STX18: variants seen among roughly 807,000 people sequenced by gnomAD.
STX18 encodes the protein syntaxin 18.
Under a neutral mutation model 50.1 loss-of-function variants are expected in STX18, and 40 were observed. That is an observed-to-expected ratio of 0.80 (90% CI 0.62 to 1.04). The LOEUF (loss-of-function observed/expected upper bound fraction) is 1.04. STX18 is among the 50% of genes least tolerant of loss of function. STX18 has a pLI of 0.00. For synonymous variants in STX18, 158 were observed against 151.8 expected, an observed-to-expected ratio of 1.04 and a Z score of -0.30; for missense variants, 410 against 415.8, an observed-to-expected ratio of 0.99 and a Z score of 0.12.
chr4:4,538,601 T>C (rs1731447035), intron 1 of STX18, among the ~76,000 whole-genome samples: 1 of 151,800 alleles, frequency 6.6e-6, no homozygotes, highest in Non-Finnish European at 1.5e-5. Flanking sequence ...TAATAATCAG[T>C]CTGTTTTTTT....
chr4:4,508,188 G>C (rs1276670912), intron 1 of STX18, among the ~76,000 whole-genome samples: 1 of 152,124 alleles, frequency 6.6e-6, no homozygotes, highest in African/African-American at 2.4e-5. Flanking sequence ...TCAACTTAGG[G>C]CTCATATCTG....
At position 4,506,512 on chromosome 4, in the gene STX18, C is replaced by T. The variant is rs150790968; in HGVS notation, c.169-34806G>A. ...CAATGGAGAACCGTTTGTGGGTTCA[C>T]GGGAGTGGGTGTGACCACAAACGGA... On this transcript the variant is annotated intron_variant, in intron 1 of 10. Coordinates refer to ENST00000306200, the MANE Select transcript of STX18 (RefSeq NM_016930.4). Among the ~76,000 whole-genome samples, 102 of 152,196 alleles carry T rather than the reference C, an allele frequency of 6.7e-4. 1 individual carries two copies. Among genetic ancestry groups the T allele is most frequent in the East Asian group, 5.4e-3 (28 of 5,176 alleles).
intron 1 of STX18, among the ~76,000 whole-genome samples, chr4:4,530,706 A>C (rs1436013098): frequency 6.6e-6 from 1 of 152,164 alleles, no homozygotes; most frequent in Non-Finnish European, 1.5e-5. Flanking sequence ...CCCGGGTTCA[A>C]GCAATCCTCC....
chr4:4,540,365 A>T (rs1483787461), intron 1 of STX18, among the ~76,000 whole-genome samples: 1 of 152,224 alleles, frequency 6.6e-6, no homozygotes, highest in East Asian at 1.9e-4. Context: ...CTCCGCGTCC[A>T]ATTTTTATGA....
At chr4:4,429,857 C>A (rs1175397632) in intron 7 of STX18, among the ~76,000 whole-genome samples, 3 of 152,198 alleles carry the variant, frequency 2.0e-5, no homozygotes, top group Non-Finnish European at 4.4e-5. Context: ...TTCTACAGGC[C>A]TACCTCAGGG....
chr4:4,498,150 G>A (rs1333651032), intron 1 of STX18, among the ~76,000 whole-genome samples: 1 of 152,144 alleles, frequency 6.6e-6, no homozygotes, highest in Non-Finnish European at 1.5e-5. Flanking sequence ...CAGACACTCA[G>A]TGCATACTGT....
intron 2 of STX18, among the ~76,000 whole-genome samples, chr4:4,464,491 G>A (rs946183083): frequency 1.3e-5 from 2 of 152,118 alleles, no homozygotes; most frequent in Non-Finnish European, 2.9e-5. Flanking sequence ...GTGTATGCAC[G>A]TGCCAACCCC....
At chr4:4,500,356 C>T (rs1432324877) in intron 1 of STX18, among the ~76,000 whole-genome samples, 1 of 152,216 alleles carries the variant, frequency 6.6e-6, no homozygotes, top group African/African-American at 2.4e-5. Flanking sequence ...AAGGATGCTG[C>T]ACCTGTACTG....
intron 5 of STX18, among the ~76,000 whole-genome samples, chr4:4,449,346 C>T (rs571334932): frequency 7.2e-5 from 11 of 152,126 alleles, no homozygotes; most frequent in African/African-American, 1.9e-4. Context: ...CCACTGTGCA[C>T]GGCACCCCCC....
At chr4:4,516,080 A>G (rs922919863) in intron 1 of STX18, among the ~76,000 whole-genome samples, 2 of 152,096 alleles carry the variant, frequency 1.3e-5, no homozygotes, top group Non-Finnish European at 2.9e-5. Context: ...ACTGTGGTCA[A>G]TTGAGGTCTA....
intron 9 of STX18, 70 bp from the exon 10 acceptor site, chr4:4,421,014 C>T (rs548867561): frequency 5.0e-5 from 72 of 1,437,190 alleles, no homozygotes; most frequent in Admixed American, 3.5e-4. Context: ...AATGCTCCAA[C>T]GAGCATTTCC....
chr4:4,456,603 C>T (rs1375448183), intron 5 of STX18, among the ~76,000 whole-genome samples: 2 of 152,138 alleles, frequency 1.3e-5, no homozygotes, highest in Non-Finnish European at 2.9e-5. Context: ...TGACAGGGCT[C>T]CTAATAGTGC....
At chr4:4,427,668 G>A (rs879512034) in intron 7 of STX18, among the ~76,000 whole-genome samples, 8 of 150,270 alleles carry the variant, frequency 5.3e-5, no homozygotes, top group Non-Finnish European at 1.2e-4. Context: ...ATTCATTCCT[G>A]GACTGTTCCT....
chr4:4,489,968 T>C (rs1466987210), intron 1 of STX18, among the ~76,000 whole-genome samples: 1 of 152,204 alleles, frequency 6.6e-6, no homozygotes, highest in Non-Finnish European at 1.5e-5. Flanking sequence ...ATATGCAATT[T>C]AAATCCCCTT....
At chr4:4,489,632 T>C (rs938325503) in intron 1 of STX18, among the ~76,000 whole-genome samples, 3 of 152,074 alleles carry the variant, frequency 2.0e-5, no homozygotes, top group Non-Finnish European at 4.4e-5. Context: ...TAAAACTTAG[T>C]GGTTTCTAGA....
Position 4,485,206 on chromosome 4 carries a change from T to A in STX18, c.169-13500A>T, listed in dbSNP as rs150415491. ...CTGAGGTATAAACTTGAGACAGTAATAATGCTGAAGGTGACTACAGGTCAC... is the reference window on the plus strand; with the variant it reads ...CTGAGGTATAAACTTGAGACAGTAAAAATGCTGAAGGTGACTACAGGTCAC... On this transcript the variant is annotated intron_variant, in intron 1 of 10. Coordinates refer to ENST00000306200, the MANE Select transcript of STX18 (RefSeq NM_016930.4). Among the ~76,000 whole-genome samples the A allele has an allele frequency of 3.7e-3, 567 of 152,332 alleles. 3 individuals carry two copies. The highest frequency in any genetic ancestry group is 0.013 in the African/African-American group (546 of 41,564).
At chr4:4,483,741 T>C (rs1728566071) in intron 1 of STX18, among the ~76,000 whole-genome samples, 1 of 152,174 alleles carries the variant, frequency 6.6e-6, no homozygotes. Flanking sequence ...TCCCTGGCCA[T>C]CCATTTCACC....
chr4:4,468,137 T>C (rs780211923), intron 2 of STX18, among the ~76,000 whole-genome samples: 3 of 152,210 alleles, frequency 2.0e-5, no homozygotes, highest in Non-Finnish European at 4.4e-5. Context: ...CCTTTTTCTC[T>C]TTTCTCCCTA....
chr4:4,444,182 A>C (rs948511950), intron 5 of STX18, among the ~76,000 whole-genome samples: 2 of 152,174 alleles, frequency 1.3e-5, no homozygotes, highest in African/African-American at 4.8e-5. Flanking sequence ...AGGTGTATAC[A>C]AACTACATTC....
Sources: allele counts gnomAD v4.1 joint callset (sites outside exome capture counted in the v4.1 genomes callset), GRCh38; gene constraint gnomAD v4.1.1; transcripts MANE v1.5; gene names NCBI Gene and HGNC (gene_info 2026-07-23, HGNC 2026-07-21).